The following UGT1A9 variants were observed in gnomAD, a reference collection of about 807,000 sequenced individuals.
UGT1A9 encodes the protein UDP glucuronosyltransferase family 1 member A9.
UGT1A9 carries 35 observed loss-of-function variants against 45.0 expected under a neutral mutation model. The observed-to-expected ratio is 0.78, with a 90% confidence interval of 0.59 to 1.03. The LOEUF is 1.03. Ranked by LOEUF, UGT1A9 falls within the 50% of genes least tolerant of loss-of-function variation. The probability of loss-of-function intolerance (pLI) is 0.00; values close to 1 mark genes in which losing one functional copy is unlikely to be tolerated. For missense variants in UGT1A9, 687 were observed against 666.6 expected, an observed-to-expected ratio of 1.03 and a Z score of -0.34; for synonymous variants, 278 against 250.6, an observed-to-expected ratio of 1.11 and a Z score of -1.03.
In UGT1A9 at chr2:233,685,327, C is replaced by A. The variant is rs189214969; in HGVS notation, c.855+12538C>A. Among the ~76,000 whole-genome samples the A allele has an allele frequency of 2.2e-3, 337 of 152,132 alleles. 1 individual carries two copies. The highest frequency in any genetic ancestry group is 7.9e-3 in the African/African-American group (328 of 41,508). On this transcript the variant is annotated intron_variant, in intron 1 of 4. Transcript: ENST00000354728. ...AGATTACAGGTGTGAACCACCACAC[C>A]CGGACTTAAAGTGGTTTTAATGAGA...
rs1700524185 is a variant in UGT1A9, at chr2:233,772,466, C to A, written c.1500C>A (p.Ala500=). 6.2e-6 allele frequency: 10 copies of A among 1,614,148 alleles called. No individual in the cohort carries two copies. The highest frequency in any genetic ancestry group is 8.5e-6 in the Non-Finnish European group (10 of 1,180,034). The change falls in exon 5 of 5, where the codon GCC becomes GCA. Residue 500 remains alanine, a synonymous_variant. Coordinates refer to ENST00000354728, the MANE Select transcript of UGT1A9 (RefSeq NM_021027.3). ...GFLLAVVLTV[A]FITFKCCAYG... ...TCTTGGCCGTCGTGCTGACAGTGGCCTTCATCACCTTTAAATGTTGTGCTT... is the reference window on the plus strand; with the variant it reads ...TCTTGGCCGTCGTGCTGACAGTGGCATTCATCACCTTTAAATGTTGTGCTT...
At chr2:233,748,399 G>C (rs1575689614) in intron 1 of UGT1A9, among the ~76,000 whole-genome samples, 1 of 151,790 alleles carries the variant, frequency 6.6e-6, no homozygotes, top group African/African-American at 2.4e-5. Flanking sequence ...AAGGAGCAGG[G>C]ACACTACATT....
At chr2:233,721,199 C>T (rs1012504962) in intron 1 of UGT1A9, among the ~76,000 whole-genome samples, 4 of 152,106 alleles carry the variant, frequency 2.6e-5, no homozygotes, top group Admixed American at 2.0e-4. Context: ...ATTTGTTCTA[C>T]TGGTTTTCTT....
chr2:233,703,685 T>G (rs1041674498), intron 1 of UGT1A9, among the ~76,000 whole-genome samples: 1 of 152,164 alleles, frequency 6.6e-6, no homozygotes, highest in East Asian at 1.9e-4. Context: ...ATATTTTTTT[T>G]CCACCATTTA....
At chr2:233,693,725 G>C in intron 1 of UGT1A9, 1 of 1,614,208 alleles carries the variant, frequency 6.2e-7, no homozygotes, top group Non-Finnish European at 8.5e-7. Flanking sequence ...CAAGAGAGAT[G>C]TGGATATAAT....
At chr2:233,691,487 T>A (rs1274389934) in intron 1 of UGT1A9, 3 of 985,586 alleles carry the variant, frequency 3.0e-6, no homozygotes, top group Non-Finnish European at 3.6e-6. Context: ...AACTTGTGGG[T>A]GGGAACAGGA....
At chr2:233,722,560 G>C (rs2077022969) in intron 1 of UGT1A9, among the ~76,000 whole-genome samples, 1 of 152,082 alleles carries the variant, frequency 6.6e-6, no homozygotes, top group Non-Finnish European at 1.5e-5. Context: ...TGGTTGATTT[G>C]TAGCTGCTTT....
At chr2:233,681,183 T>A (rs1209270478) in intron 1 of UGT1A9, among the ~76,000 whole-genome samples, 1 of 151,944 alleles carries the variant, frequency 6.6e-6, no homozygotes, top group Non-Finnish European at 1.5e-5. Flanking sequence ...CCTTGCTCTC[T>A]TTCCGTCGAA....
intron 1 of UGT1A9, among the ~76,000 whole-genome samples, chr2:233,728,166 GGAACCATTCTTATCAGAACTT>G (rs1169648713): frequency 6.6e-6 from 1 of 152,212 alleles, no homozygotes; most frequent in Non-Finnish European, 1.5e-5. Flanking sequence ...CTGTTCTGGA[GGAACCATTCTTATCAGAACTT>G]GGTGCTGGAT....
At chr2:233,756,038 T>C (rs1229247298) in intron 1 of UGT1A9, 1 of 152,242 alleles carries the variant, frequency 6.6e-6, no homozygotes, top group Non-Finnish European at 1.5e-5. Flanking sequence ...ATGTAGCTTC[T>C]GGAAAACTCC....
intron 1 of UGT1A9, among the ~76,000 whole-genome samples, chr2:233,711,075 T>C (rs1229421312): frequency 6.6e-6 from 1 of 152,254 alleles, no homozygotes; most frequent in Admixed American, 6.5e-5. Context: ...CTTATGCTGA[T>C]GGCTCCAAGT....
intron 1 of UGT1A9, among the ~76,000 whole-genome samples, chr2:233,745,958 CA>C (rs1693266177): frequency 6.6e-6 from 1 of 151,586 alleles, no homozygotes; most frequent in African/African-American, 2.4e-5. Context: ...AACTGGGGGA[CA>C]GGGGCCCTGA....
At chr2:233,724,685 G>T (rs1329497832) in intron 1 of UGT1A9, among the ~76,000 whole-genome samples, 6 of 144,884 alleles carry the variant, frequency 4.1e-5, no homozygotes, top group African/African-American at 1.6e-4. Context: ...TGGGATGGCG[G>T]CCGGGTGAAG....
In UGT1A9 at chr2:233,757,562, G is replaced by GTATATATATATATATATATATA. The variant is rs1491042837; in HGVS notation, c.856-9465_856-9464insATATATATATATATATATATAT. Among the ~76,000 whole-genome samples, 15 of 90,888 alleles carry GTATATATATATATATATATATA rather than the reference G, an allele frequency of 1.7e-4. 1 individual carries two copies. The highest frequency in any genetic ancestry group is 7.2e-4 in the African/African-American group (14 of 19,524). The allele number at this position is 90,888 out of a possible 152,430, so 59.6% of individuals were successfully genotyped here. On this transcript the variant is annotated intron_variant, in intron 1 of 4. Transcript: ENST00000354728. The stretch of plus-strand genomic sequence containing the variant: ...TATATATATATATATATATATATAT[G>GTATATATATATATATATATATA]TATATATGATATAGCTATAGTCTAA...
At chr2:233,750,081 T>C (rs1164300379) in intron 1 of UGT1A9, among the ~76,000 whole-genome samples, 3 of 151,620 alleles carry the variant, frequency 2.0e-5, no homozygotes, top group African/African-American at 7.3e-5. Context: ...CAGGCAGAGG[T>C]TGGAACAGTT....
chr2:233,761,024 A>T, intron 1 of UGT1A9: 1 of 1,614,070 alleles, frequency 6.2e-7, no homozygotes, highest in Non-Finnish European at 8.5e-7. Context: ...ACTGTCCAGG[A>T]CCTATTGAGC....
chr2:233,737,052 A>T (rs1559381224), intron 1 of UGT1A9, among the ~76,000 whole-genome samples: 1 of 152,244 alleles, frequency 6.6e-6, no homozygotes, highest in Non-Finnish European at 1.5e-5. Flanking sequence ...CCATACTAGG[A>T]GAACGAGTGC....
chr2:233,761,040 A>G (rs1426136333), intron 1 of UGT1A9: 5 of 1,614,140 alleles, frequency 3.1e-6, no homozygotes, highest in Non-Finnish European at 4.2e-6. Context: ...TGAGCTCTGC[A>G]TCTGTCTGGC....
At chr2:233,694,057 G>A (rs1437140382) in intron 1 of UGT1A9, among the ~76,000 whole-genome samples, 2 of 152,344 alleles carry the variant, frequency 1.3e-5, no homozygotes, top group East Asian at 3.9e-4. Context: ...GCATTCGGAT[G>A]AAGACAGGGC....
Sources: gnomAD v4.1 joint callset for allele counts (sites outside exome capture counted in the v4.1 genomes callset) on GRCh38, gnomAD v4.1.1 for gene constraint, MANE v1.5 for transcripts, NCBI Gene and HGNC (gene_info 2026-07-23, HGNC 2026-07-21) for gene names.